The following ANTXRL variants were observed in gnomAD, a reference collection of about 807,000 sequenced individuals.
ANTXRL encodes ANTXR like, also known as anthrax toxin receptor-like.
ANTXRL carries 63 observed loss-of-function variants against 75.4 expected under a neutral mutation model. The ratio of observed to expected loss-of-function variants is 0.84; its 90% CI spans 0.68 to 1.03. ANTXRL has a LOEUF of 1.03. ANTXRL is among the 50% of genes least tolerant of loss of function. The pLI is 0.00. For synonymous variants in ANTXRL, 335 were observed against 291.3 expected, an observed-to-expected ratio of 1.15 and a Z score of -1.53; for missense variants, 797 against 789.4, an observed-to-expected ratio of 1.01 and a Z score of -0.12.
At chr10:46,313,473 C>A (rs558281625) in intron 16 of ANTXRL, among the ~76,000 whole-genome samples, 157 bp downstream of exon 16, 2 of 152,154 alleles carry the variant, frequency 1.3e-5, no homozygotes, top group African/African-American at 4.8e-5. Flanking sequence ...GCATCCCAGC[C>A]AGTTTCTGGA....
Position 46,287,349 on chromosome 10 carries a change from C to A in ANTXRL, c.87C>A (p.Ser29Arg), listed in dbSNP as rs1554955476. The A allele has an allele frequency of 6.5e-6, 10 of 1,536,036 alleles. No homozygotes were observed. Among genetic ancestry groups the A allele is most frequent in the Non-Finnish European group, 7.8e-6 (9 of 1,146,778 alleles). Residue 29 changes from serine to arginine, a missense_variant, in exon 1 of 17, where the codon AGC (serine) becomes AGA (arginine). Physicochemically the swap from Ser to Arg is moderately radical, Grantham distance 110 (BLOSUM62 -1). Coordinates refer to ENST00000620264, the MANE Select transcript of ANTXRL (RefSeq NM_001278688.3). ...CTCCACCGCTTTTTAGAGCAGGAAG[C>A]CTTCGGTACCATGGACCTGACTGGA... ...LLPPPLFRAG[S>R]LRYHGPDWRI...
chr10:46,314,266 G>A (rs1838598183), intron 16 of ANTXRL, among the ~76,000 whole-genome samples: 1 of 152,086 alleles, frequency 6.6e-6, no homozygotes, highest in Non-Finnish European at 1.5e-5. Flanking sequence ...AGGCATGCAG[G>A]GCTCCTCCAG....
chr10:46,297,772 G>T (rs1318151123), intron 7 of ANTXRL, 59 bp from the exon 8 acceptor site: 2 of 1,419,896 alleles, frequency 1.4e-6, no homozygotes, highest in African/African-American at 1.4e-5. Flanking sequence ...TCCTGGGCCG[G>T]GGGTCTGCTG....
Position 46,329,781 on chromosome 10 carries a change from C to A in ANTXRL, c.1593C>A (p.Asn531Lys), listed in dbSNP as rs116524794. ...LALKQARCSP[N>K]ICLRHSQHSR... Reference sequence around the variant, plus strand: ...TCAAACAGGCTCGCTGCAGCCCAAACATCTGCCTGAGACACAGCCAACACA... The same window carrying A: ...TCAAACAGGCTCGCTGCAGCCCAAAAATCTGCCTGAGACACAGCCAACACA... Residue 531 changes from asparagine (N) to lysine (K), a missense_variant, in exon 17 of 17, where the codon AAC becomes AAA. Physicochemically the swap from Asn to Lys is moderately conservative, Grantham distance 94. Coordinates refer to ENST00000620264, the MANE Select transcript of ANTXRL (RefSeq NM_001278688.3). The A allele has an allele frequency of 6.5e-7, 1 of 1,535,180 alleles. No individual in the cohort carries two copies. Among genetic ancestry groups the A allele is most frequent in the Non-Finnish European group, 8.7e-7 (1 of 1,146,590 alleles).
At chr10:46,317,684 C>A (rs1364022141) in intron 16 of ANTXRL, among the ~76,000 whole-genome samples, 9 of 151,940 alleles carry the variant, frequency 5.9e-5, no homozygotes, top group African/African-American at 2.2e-4. Context: ...CCCTTCGACT[C>A]CTCAGCACCA....
chr10:46,315,715 C>G (rs1399616640), intron 16 of ANTXRL, among the ~76,000 whole-genome samples: 91 of 152,112 alleles, frequency 6.0e-4, no homozygotes, highest in Non-Finnish European at 1.1e-3. Context: ...AATGTGCTGT[C>G]GAATTTAGAG....
intron 1 of ANTXRL, among the ~76,000 whole-genome samples, chr10:46,290,202 C>T (rs1836927464): frequency 6.6e-6 from 1 of 152,034 alleles, no homozygotes; most frequent in African/African-American, 2.4e-5. Context: ...GCCACCACGC[C>T]AGGCTAATTT....
At chr10:46,308,591 G>A in intron 12 of ANTXRL, 2 of 378,454 alleles carry the variant, frequency 5.3e-6, no homozygotes, top group South Asian at 3.9e-5. Flanking sequence ...ATGTGGCCCT[G>A]GTTCTGAGCC....
At chr10:46,315,325 A>C (rs2132852083) in intron 16 of ANTXRL, among the ~76,000 whole-genome samples, 1 of 152,328 alleles carries the variant, frequency 6.6e-6, no homozygotes, top group African/African-American at 2.4e-5. Flanking sequence ...GAGAGAGTGC[A>C]TCTCAGTGAG....
At chr10:46,316,803 C>T (rs1438261578) in intron 16 of ANTXRL, among the ~76,000 whole-genome samples, 2 of 152,146 alleles carry the variant, frequency 1.3e-5, no homozygotes, top group Non-Finnish European at 2.9e-5. Context: ...AAAATCCATT[C>T]CCAGCTGAGG....
At chr10:46,297,499 G>T (rs782075082) in intron 7 of ANTXRL, 25 bp downstream of exon 7, 4 of 1,533,812 alleles carry the variant, frequency 2.6e-6, no homozygotes, top group Non-Finnish European at 1.7e-6. Context: ...GTAACCAGGC[G>T]CCACTTTCAA....
chr10:46,312,976 G>A (rs1838515150), intron 15 of ANTXRL, among the ~76,000 whole-genome samples: 1 of 152,160 alleles, frequency 6.6e-6, no homozygotes, highest in Admixed American at 6.5e-5. Flanking sequence ...CCTGTCTTTG[G>A]ACTTTTTATC....
chr10:46,288,725 C>T (rs782721789), intron 1 of ANTXRL, among the ~76,000 whole-genome samples: 2 of 152,066 alleles, frequency 1.3e-5, no homozygotes, highest in Non-Finnish European at 2.9e-5. Flanking sequence ...AGGTCAGAGG[C>T]GATGACAGAG....
chr10:46,296,754 G>A (rs1235495226), intron 5 of ANTXRL, among the ~76,000 whole-genome samples: 1 of 152,164 alleles, frequency 6.6e-6, no homozygotes, highest in African/African-American at 2.4e-5. Context: ...CCCCTGCCCA[G>A]GTGCCACTGG....
chr10:46,309,495 C>T (rs1838295150), intron 13 of ANTXRL, among the ~76,000 whole-genome samples: 1 of 152,180 alleles, frequency 6.6e-6, no homozygotes, highest in African/African-American at 2.4e-5. Context: ...CCCCAGAACC[C>T]CTGAAACCAG....
chr10:46,293,577 G>GCA (rs1554957508), intron 2 of ANTXRL, among the ~76,000 whole-genome samples: 18 of 143,736 alleles, frequency 1.3e-4, no homozygotes, highest in African/African-American at 3.3e-4. Context: ...GTGTGTGCGC[G>GCA]TGTGTGTGTG....
chr10:46,325,213 C>T (rs552270272), intron 16 of ANTXRL, among the ~76,000 whole-genome samples: 13 of 152,054 alleles, frequency 8.5e-5, no homozygotes, highest in Non-Finnish European at 1.6e-4. Context: ...TCTTGGGTCC[C>T]CTCTAGTGGT....
intron 16 of ANTXRL, 46 bp downstream of exon 16, chr10:46,313,362 C>A (rs1413741959): frequency 8.6e-6 from 13 of 1,508,136 alleles, no homozygotes; most frequent in Admixed American, 2.0e-5. Flanking sequence ...AAGGCCACTG[C>A]TTTTCCCCTG....
intron 16 of ANTXRL, among the ~76,000 whole-genome samples, chr10:46,316,924 G>C (rs538478847): frequency 5.3e-5 from 8 of 152,230 alleles, no homozygotes; most frequent in African/African-American, 1.9e-4. Context: ...GGATTGGCGT[G>C]TCTCTATGGG....
Sources: allele counts gnomAD v4.1 joint callset (sites outside exome capture counted in the v4.1 genomes callset), GRCh38; gene constraint gnomAD v4.1.1; transcripts MANE v1.5; gene names NCBI Gene and HGNC (gene_info 2026-07-23, HGNC 2026-07-21).